Variants in ARMC8 observed in about 807,000 individuals in gnomAD.
ARMC8 encodes armadillo repeat-containing protein 8.
ARMC8 carries 20 observed loss-of-function variants against 99.3 expected under a neutral mutation model. The ratio of observed to expected loss-of-function variants is 0.20; its 90% confidence interval spans 0.14 to 0.29. The LOEUF (loss-of-function observed/expected upper bound fraction) is 0.29. ARMC8 is among the 10% of genes least tolerant of loss of function. ARMC8 has a pLI of 1.00. For synonymous variants in ARMC8, 263 were observed against 278.3 expected (o/e 0.95, Z 0.55); for missense variants, 569 against 809.5 (o/e 0.70, Z 3.60).
At chr3:138,213,582 C>T (rs369229997) in intron 2 of ARMC8, among the ~76,000 whole-genome samples, 38 of 152,176 alleles carry the variant, frequency 2.5e-4, no homozygotes, top group African/African-American at 8.9e-4. Context: ...TTCGCAACTA[C>T]AACAGAAGTA....
chr3:138,211,351 A>C (rs1022044105), intron 2 of ARMC8, among the ~76,000 whole-genome samples: 1 of 152,256 alleles, frequency 6.6e-6, no homozygotes, highest in Non-Finnish European at 1.5e-5. Context: ...GTTTAGGAGA[A>C]AGCTGTTTAG....
chr3:138,187,508 C>T lies in ARMC8; in HGVS notation c.-47C>T, dbSNP rs568782048. 60 of 1,533,782 alleles carry T rather than the reference C, an allele frequency of 3.9e-5. No individual in the cohort carries two copies. Among genetic ancestry groups the T allele is most frequent in the Admixed American group, 3.7e-4 (19 of 50,950 alleles). On this transcript the variant is annotated 5_prime_UTR_variant, in exon 1 of 22. Coordinates refer to ENST00000469044, the MANE Select transcript of ARMC8 (RefSeq NM_001363941.2). ...GGCCAATAGTTGGCTGTCGAAAGTG[C>T]CGGCCCCCGCGCCGGCGCCTGCAGC...
At chr3:138,193,216 A>G (rs1051935770) in intron 1 of ARMC8, among the ~76,000 whole-genome samples, 5 of 151,986 alleles carry the variant, frequency 3.3e-5, no homozygotes, top group African/African-American at 9.7e-5. Context: ...CAGTCTGCCC[A>G]TCTTGGCCTC....
intron 1 of ARMC8, chr3:138,188,473 C>T (rs1576548775): frequency 6.2e-7 from 1 of 1,612,132 alleles, no homozygotes; most frequent in Non-Finnish European, 8.5e-7. Context: ...ATGAAAGTTA[C>T]TGGGAGATAA....
rs556279147 is a variant in ARMC8, at chr3:138,206,059, A to G, written c.46-3758A>G. Among the ~76,000 whole-genome samples the G allele has an allele frequency of 1.2e-4, 19 of 152,368 alleles. No individual in the cohort carries two copies. In the South Asian group the frequency reaches 2.5e-3, roughly 20 times the overall value. ...AATATTATTTCAATATATCTGTGTAATAAGTTATTACTGAAATTTGTTGCA... is the reference window on the plus strand; with the variant it reads ...AATATTATTTCAATATATCTGTGTAGTAAGTTATTACTGAAATTTGTTGCA... On this transcript the variant is annotated intron_variant, in intron 1 of 21. Transcript: ENST00000469044.
At chr3:138,289,292 A>C (rs1179913616) in intron 20 of ARMC8, among the ~76,000 whole-genome samples, 172 bp downstream of exon 20, 1 of 152,182 alleles carries the variant, frequency 6.6e-6, no homozygotes, top group Non-Finnish European at 1.5e-5. Context: ...AGCCCAAGTC[A>C]GCTGGTCAGT....
chr3:138,274,902 T>C (rs1463384260), intron 18 of ARMC8, among the ~76,000 whole-genome samples: 1 of 152,154 alleles, frequency 6.6e-6, no homozygotes, highest in East Asian at 1.9e-4. Flanking sequence ...TCCGCCGCCA[T>C]GCTCTCAACT....
intron 12 of ARMC8, among the ~76,000 whole-genome samples, chr3:138,254,038 C>G (rs979340897): frequency 6.6e-6 from 1 of 152,206 alleles, no homozygotes; most frequent in Non-Finnish European, 1.5e-5. Flanking sequence ...ACCCATAGAA[C>G]ATGAGGGACC....
chr3:138,231,396 T>G (rs899318880), intron 6 of ARMC8, among the ~76,000 whole-genome samples: 1 of 152,186 alleles, frequency 6.6e-6, no homozygotes, highest in Non-Finnish European at 1.5e-5. Context: ...TTGCTTTGAC[T>G]GGTATCAATA....
At chr3:138,255,159 C>T (rs1032489990) in intron 12 of ARMC8, among the ~76,000 whole-genome samples, 1 of 151,404 alleles carries the variant, frequency 6.6e-6, no homozygotes, top group Non-Finnish European at 1.5e-5. Context: ...TATTTCCTCC[C>T]ACCCCATGCC....
chr3:138,261,225 G>A (rs923358362), intron 12 of ARMC8, among the ~76,000 whole-genome samples: 7 of 152,196 alleles, frequency 4.6e-5, no homozygotes, highest in East Asian at 1.9e-4. Flanking sequence ...AATGGAATGC[G>A]AAAGGAATGA....
intron 12 of ARMC8, among the ~76,000 whole-genome samples, chr3:138,256,128 A>G (rs1411779773): frequency 1.4e-4 from 21 of 152,360 alleles, no homozygotes; most frequent in Non-Finnish European, 1.5e-5. Flanking sequence ...TTTTATTTGC[A>G]ACAGATGAAT....
intron 1 of ARMC8, among the ~76,000 whole-genome samples, chr3:138,207,446 G>A (rs2044433258): frequency 6.6e-6 from 1 of 152,216 alleles, no homozygotes; most frequent in Admixed American, 6.5e-5. Flanking sequence ...AGCAGCAAAA[G>A]AATTGCTATT....
chr3:138,297,130 C>G lies in ARMC8; in HGVS notation c.*1238C>G, dbSNP rs116360704. ...TGCTAGTTGGTATGCTTTTGTAAAA[C>G]GAGATTGAAATTTAATAAAAGATGC... On this transcript the variant is annotated 3_prime_UTR_variant, in exon 22 of 22. Transcript: ENST00000469044. 2 of 152,228 alleles carry G rather than the reference C, an allele frequency of 1.3e-5. No individual in the cohort carries two copies. Among genetic ancestry groups the G allele is most frequent in the Admixed American group, 1.3e-4 (2 of 15,278 alleles). The allele number at this position is 152,228 out of a possible 1,614,324, so 9.4% of individuals were successfully genotyped here. A position where few individuals can be genotyped will look rare whatever the true frequency, so the allele number is the denominator to read the frequency against.
chr3:138,240,782 T>C (rs2046572746), intron 10 of ARMC8, among the ~76,000 whole-genome samples: 1 of 152,256 alleles, frequency 6.6e-6, no homozygotes, highest in East Asian at 1.9e-4. Flanking sequence ...TGATAACATT[T>C]CAATTTATAC....
intron 1 of ARMC8, among the ~76,000 whole-genome samples, chr3:138,192,130 T>C (rs1243736761): frequency 6.6e-6 from 1 of 152,232 alleles, no homozygotes; most frequent in Non-Finnish European, 1.5e-5. Context: ...AGACATTGTT[T>C]CTCTGTATCC....
At chr3:138,295,802 T>A in intron 21 of ARMC8, 57 bp from the exon 22 acceptor site, 1 of 1,592,384 alleles carries the variant, frequency 6.3e-7, no homozygotes, top group Admixed American at 1.7e-5. Context: ...AACCATAGGG[T>A]TTTTTACCCC....
At chr3:138,259,700 A>G (rs1440172594) in intron 12 of ARMC8, among the ~76,000 whole-genome samples, 4 of 152,200 alleles carry the variant, frequency 2.6e-5, no homozygotes, top group Non-Finnish European at 4.4e-5. Flanking sequence ...ATACCTCCAG[A>G]TAGTTTTATG....
intron 12 of ARMC8, chr3:138,263,438 A>G (rs539587541): frequency 1.6e-4 from 49 of 304,450 alleles, no homozygotes; most frequent in African/African-American, 1.1e-3. Context: ...TTTTCTCAAG[A>G]TTATTTACAT....
Sources: allele counts gnomAD v4.1 joint callset (sites outside exome capture counted in the v4.1 genomes callset), GRCh38; gene constraint gnomAD v4.1.1; transcripts MANE v1.5; gene names NCBI Gene and HGNC (gene_info 2026-07-23, HGNC 2026-07-21).